Variants in ADAMTS18 observed in about 807,000 individuals in gnomAD.
ADAMTS18 encodes A disintegrin and metalloproteinase with thrombospondin motifs 18.
In ADAMTS18, 157 loss-of-function variants were observed where a neutral mutation model predicts 165.9. That is an observed-to-expected ratio of 0.95 (90% confidence interval 0.83 to 1.08). The LOEUF (loss-of-function observed/expected upper bound fraction) is 1.08, where lower values mean the gene tolerates loss of function less well. ADAMTS18 is among the 50% of genes least tolerant of loss of function. The probability of loss-of-function intolerance (pLI) is 0.00; values close to 1 mark genes in which losing one functional copy is unlikely to be tolerated. For synonymous variants in ADAMTS18, 782 were observed against 578.2 expected (o/e 1.35, Z -5.06); for missense variants, 2,040 against 1,534.0 (o/e 1.33, Z -5.51).
In ADAMTS18 at chr16:77,283,710, A is replaced by G; in HGVS notation, c.*246T>C. ...TCTTGCATATAACAGTGCAAATCAA[A>G]GATTTTTTTTAAAGTCAGATTTGTC... is the stretch of plus-strand genomic sequence containing the variant. On this transcript the variant is annotated 3_prime_UTR_variant, in exon 23 of 23. Coordinates refer to ENST00000282849, the MANE Select transcript of ADAMTS18 (RefSeq NM_199355.4). The G allele has an allele frequency of 2.0e-6, 1 of 495,852 alleles. No homozygotes were observed. Among genetic ancestry groups the G allele is most frequent in the Non-Finnish European group, 3.7e-6 (1 of 272,670 alleles). 30.7% of individuals were successfully genotyped at this position (495,852 alleles called of 1,614,324 possible). A position where few individuals can be genotyped will look rare whatever the true frequency, so the allele number is the denominator to read the frequency against.
At chr16:77,396,422 C>T (rs1567538945) in intron 3 of ADAMTS18, among the ~76,000 whole-genome samples, 1 of 152,200 alleles carries the variant, frequency 6.6e-6, no homozygotes, top group Admixed American at 6.5e-5. Flanking sequence ...AGCATAAAGC[C>T]ATTTAAAAAT....
chr16:77,300,722 G>T (rs1016159547), intron 16 of ADAMTS18, among the ~76,000 whole-genome samples: 1 of 152,022 alleles, frequency 6.6e-6, no homozygotes. Context: ...GTATCATAAA[G>T]AAGAAAGAAA....
intron 8 of ADAMTS18, among the ~76,000 whole-genome samples, chr16:77,358,924 G>A (rs1363334601): frequency 6.6e-6 from 1 of 152,186 alleles, no homozygotes; most frequent in Non-Finnish European, 1.5e-5. Context: ...AGAATATTCA[G>A]TACATGCAGC....
rs115408000 is a variant in ADAMTS18 at position 77,282,270 on chromosome 16, A to C, written c.*1686T>G. On this transcript the variant is annotated 3_prime_UTR_variant, in exon 23 of 23. Coordinates refer to ENST00000282849, the MANE Select transcript of ADAMTS18 (RefSeq NM_199355.4). ...ATTACTTAGAGAAGCAAGTGAGAAC[A>C]CATAATAGGCTATTAATTAATAAAT... The C allele has an allele frequency of 0.014, 2,149 of 152,258 alleles. 53 individuals carry two copies. The highest frequency in any genetic ancestry group is 0.049 in the African/African-American group (2,054 of 41,552). The allele number at this position is 152,258 out of a possible 1,614,324, so 9.4% of individuals were successfully genotyped here. A position where few individuals can be genotyped will look rare whatever the true frequency, so the allele number is the denominator to read the frequency against.
chr16:77,384,027 T>G (rs2057071272), intron 3 of ADAMTS18, among the ~76,000 whole-genome samples: 1 of 151,976 alleles, frequency 6.6e-6, no homozygotes, highest in South Asian at 2.1e-4. Flanking sequence ...CTTCTGTGTT[T>G]ACTGTTCATC....
At chr16:77,292,807 C>T (rs1006870402) in intron 20 of ADAMTS18, among the ~76,000 whole-genome samples, 13 of 152,092 alleles carry the variant, frequency 8.5e-5, no homozygotes, top group African/African-American at 2.9e-4. Context: ...CTGAGCATCT[C>T]AAGAAACCTC....
intron 17 of ADAMTS18, among the ~76,000 whole-genome samples, chr16:77,299,749 G>C (rs570235190): frequency 6.6e-6 from 1 of 152,324 alleles, no homozygotes; most frequent in East Asian, 1.9e-4. Context: ...TGCAAGGGTT[G>C]TCTCAGATTT....
intron 12 of ADAMTS18, among the ~76,000 whole-genome samples, chr16:77,335,383 A>C (rs1448962566): frequency 6.6e-6 from 1 of 152,038 alleles, no homozygotes; most frequent in East Asian, 1.9e-4. Context: ...TAATGGGTAC[A>C]AAAATATAGT....
intron 16 of ADAMTS18, among the ~76,000 whole-genome samples, chr16:77,317,825 A>G (rs1204002100): frequency 6.6e-6 from 1 of 152,216 alleles, no homozygotes; most frequent in African/African-American, 2.4e-5. Flanking sequence ...ATTTGTTCAA[A>G]GAATTATCCA....
intron 4 of ADAMTS18, among the ~76,000 whole-genome samples, 177 bp from the exon 5 acceptor site, chr16:77,364,558 G>C (rs2144737737): frequency 6.9e-6 from 1 of 144,886 alleles, no homozygotes; most frequent in African/African-American, 2.6e-5. Flanking sequence ...ATGTGGTCAA[G>C]AAGGGCCTAC....
chr16:77,317,197 T>C (rs556895765), intron 16 of ADAMTS18, among the ~76,000 whole-genome samples: 1 of 152,346 alleles, frequency 6.6e-6, no homozygotes, highest in African/African-American at 2.4e-5. Flanking sequence ...TGTAGTGCTG[T>C]ACTGTACCCT....
intron 10 of ADAMTS18, among the ~76,000 whole-genome samples, chr16:77,347,672 T>C (rs2056497631): frequency 1.3e-5 from 2 of 152,194 alleles, no homozygotes; most frequent in South Asian, 4.1e-4. Context: ...ATGCATTTAT[T>C]GACTATGTGT....
At chr16:77,370,760 C>T (rs975184410) in intron 3 of ADAMTS18, among the ~76,000 whole-genome samples, 1 of 150,302 alleles carries the variant, frequency 6.7e-6, no homozygotes, top group Non-Finnish European at 1.5e-5. Context: ...CAAAAAAAAC[C>T]AAGAAAACAA....
intron 3 of ADAMTS18, among the ~76,000 whole-genome samples, chr16:77,412,628 T>C (rs1219274260): frequency 6.6e-6 from 1 of 152,048 alleles, no homozygotes; most frequent in East Asian, 1.9e-4. Context: ...GCTGAGAAGG[T>C]CTCACAATCA....
intron 12 of ADAMTS18, among the ~76,000 whole-genome samples, chr16:77,331,433 G>T (rs1361871046): frequency 6.6e-6 from 1 of 152,058 alleles, no homozygotes. Context: ...AGTATCAGGA[G>T]GTTAAATAAC....
intron 11 of ADAMTS18, among the ~76,000 whole-genome samples, chr16:77,340,094 T>A (rs751346513): frequency 1.3e-5 from 2 of 152,214 alleles, no homozygotes; most frequent in Non-Finnish European, 2.9e-5. Flanking sequence ...CGACAGCAAC[T>A]ACTGCTTAGA....
intron 16 of ADAMTS18, among the ~76,000 whole-genome samples, chr16:77,304,435 T>C (rs1447843860): frequency 6.6e-6 from 1 of 152,216 alleles, no homozygotes; most frequent in East Asian, 1.9e-4. Flanking sequence ...CACTCCAGCC[T>C]GGGCCATAGA....
rs1416712197 is a variant in ADAMTS18, at chr16:77,321,063, C to G, written c.2287+16G>C. 1 of 1,614,128 alleles carries G rather than the reference C, an allele frequency of 6.2e-7. No individual in the cohort carries two copies. The highest frequency in any genetic ancestry group is 1.6e-4 in the Middle Eastern group (1 of 6,062). ...GTTGTATCTCATTAACAATAACAAA[C>G]AGCAGCATCTCTCACCATTTGCTTT... On this transcript the variant is annotated intron_variant, in intron 15 of 22. Transcript: ENST00000282849.
chr16:77,379,433 T>C (rs139644662), intron 3 of ADAMTS18, among the ~76,000 whole-genome samples: 30 of 152,328 alleles, frequency 2.0e-4, no homozygotes, highest in African/African-American at 6.3e-4. Flanking sequence ...TGTGGCAGAA[T>C]AGACTGTGAC....
Sources: allele counts gnomAD v4.1 joint callset (sites outside exome capture counted in the v4.1 genomes callset), GRCh38; gene constraint gnomAD v4.1.1; transcripts MANE v1.5; gene names NCBI Gene and HGNC (gene_info 2026-07-23, HGNC 2026-07-21).